The following PAK6 variants were observed in gnomAD, a reference collection of about 807,000 sequenced individuals.
The protein encoded by PAK6 is p21 (RAC1) activated kinase 6.
In PAK6, 33 loss-of-function variants were observed where a neutral mutation model predicts 60.8. The ratio of observed to expected loss-of-function variants is 0.54; its 90% CI spans 0.41 to 0.73. The LOEUF is 0.73. Ranked by LOEUF, PAK6 falls within the 30% of genes least tolerant of loss-of-function variation. The pLI is 0.00. For synonymous variants in PAK6, 404 were observed against 378.5 expected (o/e 1.07, Z -0.78); for missense variants, 845 against 904.1 (o/e 0.93, Z 0.84).
chr15:40,240,364 T>C (rs1459652979), intron 1 of PAK6, among the ~76,000 whole-genome samples: 2 of 151,888 alleles, frequency 1.3e-5, no homozygotes, highest in African/African-American at 2.4e-5. Context: ...AAGCCCCTGG[T>C]CCCCACAGGG....
intron 2 of PAK6, among the ~76,000 whole-genome samples, chr15:40,249,485 T>G (rs2038600256): frequency 6.6e-6 from 1 of 152,234 alleles, no homozygotes. Flanking sequence ...TACATAGCTT[T>G]GTACGGGGCC....
exon 6 of PAK6, chr15:40,272,297 C>T (rs374205024): frequency 4.3e-6 from 7 of 1,613,870 alleles, no homozygotes; most frequent in Admixed American, 3.3e-5. Context: ...TCCTTGCCCT[C>T]GGACCAGCCG....
intron 3 of PAK6, among the ~76,000 whole-genome samples, chr15:40,263,313 C>CAGAT (rs1401177614): frequency 6.6e-6 from 1 of 152,202 alleles, no homozygotes; most frequent in African/African-American, 2.4e-5. Flanking sequence ...GTGACCTTTT[C>CAGAT]AGATACATAA....
intron 3 of PAK6, chr15:40,256,796 T>C (rs540934311): frequency 2.6e-5 from 4 of 152,132 alleles, no homozygotes; most frequent in Non-Finnish European, 2.9e-5. Context: ...GGAGATCACA[T>C]GTGTGAAATG....
intron 2 of PAK6, chr15:40,250,575 T>C (rs780537414): frequency 6.6e-6 from 1 of 152,046 alleles, no homozygotes; most frequent in Non-Finnish European, 1.5e-5. Context: ...TTTCCTAGAG[T>C]TATTCTCTAT....
At chr15:40,252,908 C>T (rs1375149134) in intron 2 of PAK6, 1 of 1,173,408 alleles carries the variant, frequency 8.5e-7, no homozygotes, top group Admixed American at 3.5e-5. Context: ...CGAGAGGGCG[C>T]AGCAGTGGGG....
In PAK6 at chr15:40,248,133, G is replaced by A. The variant is rs998313945; in HGVS notation, c.-117-5045G>A. Among the ~76,000 whole-genome samples, 12 of 152,192 alleles carry A rather than the reference G, an allele frequency of 7.9e-5. No homozygotes were observed. In the East Asian group the frequency reaches 1.2e-3, roughly 15 times the overall value. The stretch of plus-strand genomic sequence containing the variant: ...TTGCGAGGCAAGAGGGCTCCCGTCC[G>A]CAGGACTCCATGGCTCTGCAGCTAG... On this transcript the variant is annotated intron_variant, in intron 2 of 10. Coordinates refer to ENST00000560346, the Ensembl canonical transcript of PAK6.
exon 11 of PAK6, chr15:40,276,220 A>C (rs2039451924): frequency 1.1e-6 from 1 of 945,864 alleles, no homozygotes; most frequent in East Asian, 2.5e-5. Context: ...GTGAAGCCCC[A>C]GCCCCACCCT....
intron 3 of PAK6, among the ~76,000 whole-genome samples, chr15:40,261,168 G>C (rs573478393): frequency 1.3e-5 from 2 of 151,778 alleles, no homozygotes; most frequent in Non-Finnish European, 2.9e-5. Flanking sequence ...GATTACAGGC[G>C]TGAGCCACCG....
chr15:40,252,439 G>A, intron 2 of PAK6: 1 of 1,358,864 alleles, frequency 7.4e-7, no homozygotes. Flanking sequence ...GAGCAGCACG[G>A]CGCCCCTCGG....
rs756704633 is a variant in PAK6 at position 40,272,769 on chromosome 15, T to C, written c.1356+48T>C. On this transcript the variant is annotated intron_variant, in intron 6 of 10. Transcript: ENST00000560346. ...AGACGGGGGCGTTGGGGATGGGCAGTGAGCAGCCAGCCAGGCTGGACATCT... is the reference window on the plus strand; with the variant it reads ...AGACGGGGGCGTTGGGGATGGGCAGCGAGCAGCCAGCCAGGCTGGACATCT... 11 of 1,579,458 alleles carry C rather than the reference T, an allele frequency of 7.0e-6. No homozygotes were observed. The East Asian group carries it at 2.5e-4, about 35-fold the overall frequency.
At chr15:40,273,136 CA>C in intron 7 of PAK6, 137 bp downstream of exon 7, 4 of 1,257,918 alleles carry the variant, frequency 3.2e-6, no homozygotes, top group Non-Finnish European at 4.4e-6. Context: ...AACTGAGACC[CA>C]GGGGTCTTGG....
In PAK6 at chr15:40,252,282, C is replaced by T. The variant is rs747589956; in HGVS notation, c.-117-896C>T. 5.8e-5 allele frequency: 71 copies of T among 1,215,532 alleles called. 1 individual carries two copies. Among genetic ancestry groups the T allele is most frequent in the Non-Finnish European group, 3.1e-6 (3 of 956,382 alleles). The allele number at this position is 1,215,532 out of a possible 1,614,324, so 75.3% of individuals were successfully genotyped here. On this transcript the variant is annotated intron_variant, in intron 2 of 10. Transcript: ENST00000560346. ...GAACGAGGTGATTACACACAGCCGG[C>T]GCTCAGCTGATTCTCCAGGTCGGGT...
Sources: allele counts gnomAD v4.1 joint callset (sites outside exome capture counted in the v4.1 genomes callset), GRCh38; gene constraint gnomAD v4.1.1; transcripts MANE v1.5; gene names NCBI Gene and HGNC (gene_info 2026-07-23, HGNC 2026-07-21).